The following PDE4D variants were observed in gnomAD, a reference collection of about 807,000 sequenced individuals.
The protein encoded by PDE4D is 3',5'-cyclic-AMP phosphodiesterase 4D.
PDE4D carries 24 observed loss-of-function variants against 87.4 expected under a neutral mutation model. That is an observed-to-expected ratio of 0.27 (90% CI 0.20 to 0.39). PDE4D has a LOEUF of 0.39. Among genes scored for constraint, PDE4D ranks in the 10% least tolerant of loss-of-function variants. PDE4D has a pLI of 1.00. For missense variants in PDE4D, 714 were observed against 1,041.0 expected, an observed-to-expected ratio of 0.69 and a Z score of 4.32; for synonymous variants, 384 against 383.2, an observed-to-expected ratio of 1.00 and a Z score of -0.02.
At position 58,972,010 on chromosome 5, in the gene PDE4D, AG is replaced by A. The variant is rs138669344; in HGVS notation, c.*2653del. ...TACCATTAAAAACCAACAAACTGGA[AG>A]AAAAAAAAAGAGCCTCTCTTTATTA... On this transcript the variant is annotated 3_prime_UTR_variant, in exon 15 of 15. Coordinates refer to ENST00000340635, the MANE Select transcript of PDE4D (RefSeq NM_001104631.2). 23,730 of 151,898 alleles carry A rather than the reference AG, an allele frequency of 0.16. 1,908 individuals carry two copies. Among genetic ancestry groups the A allele is most frequent in the Admixed American group, 0.19 (2,830 of 15,206 alleles). The allele number at this position is 151,898 out of a possible 1,614,324, so 9.4% of individuals were successfully genotyped here. A position where few individuals can be genotyped will look rare whatever the true frequency, so the allele number is the denominator to read the frequency against.
At chr5:59,893,075 G>T in intron 1 of PDE4D, 93 bp downstream of exon 1, 1 of 1,289,146 alleles carries the variant, frequency 7.8e-7, no homozygotes, top group South Asian at 1.4e-5. Flanking sequence ...CCTGGGTCTA[G>T]AATTGGTGGT....
chr5:59,221,458 A>G (rs1447874981), intron 1 of PDE4D, among the ~76,000 whole-genome samples: 2 of 151,952 alleles, frequency 1.3e-5, no homozygotes, highest in African/African-American at 4.8e-5. Context: ...ATGGTGAAAC[A>G]CCATCTTTAC....
intron 5 of PDE4D, among the ~76,000 whole-genome samples, chr5:59,129,197 T>C (rs1481646662): frequency 6.6e-6 from 1 of 152,200 alleles, no homozygotes; most frequent in Non-Finnish European, 1.5e-5. Context: ...GTTTCACAAC[T>C]AGTGTAAAGG....
chr5:59,217,965 C>A (rs1225615312), intron 1 of PDE4D: 1 of 470,590 alleles, frequency 2.1e-6, no homozygotes. Context: ...CATTAAGATA[C>A]AAAAATAAAG....
intron 4 of PDE4D, among the ~76,000 whole-genome samples, chr5:59,181,224 C>G (rs1741462404): frequency 1.3e-5 from 2 of 151,822 alleles, no homozygotes; most frequent in South Asian, 4.2e-4. Flanking sequence ...TAGAAATACT[C>G]TAAGCCAAAG....
chr5:60,409,101 G>T (rs1304011520), intron 1 of PDE4D, among the ~76,000 whole-genome samples: 3 of 152,170 alleles, frequency 2.0e-5, no homozygotes, highest in Non-Finnish European at 4.4e-5. Flanking sequence ...ATAAAATAGT[G>T]ACTTATGCAG....
At chr5:59,237,607 A>G (rs1287363470) in intron 1 of PDE4D, among the ~76,000 whole-genome samples, 2 of 152,186 alleles carry the variant, frequency 1.3e-5, no homozygotes, top group Non-Finnish European at 2.9e-5. Context: ...ATTAATATTA[A>G]GTGAATGAAT....
intron 1 of PDE4D, chr5:60,460,000 T>C: frequency 1.0e-6 from 1 of 966,918 alleles, no homozygotes; most frequent in Non-Finnish European, 1.7e-6. Context: ...TTCTTCATCA[T>C]CCATATCGGG....
intron 1 of PDE4D, among the ~76,000 whole-genome samples, chr5:59,674,735 C>CT (rs1747781425): frequency 6.6e-6 from 1 of 152,152 alleles, no homozygotes; most frequent in African/African-American, 2.4e-5. Flanking sequence ...ATGAGAAACT[C>CT]TTATTTCTTA....
chr5:60,461,595 A>G (rs1471081361), intron 1 of PDE4D, among the ~76,000 whole-genome samples: 3 of 152,248 alleles, frequency 2.0e-5, no homozygotes, highest in African/African-American at 7.2e-5. Context: ...TTTCCATTTG[A>G]CTGATTCTCC....
chr5:60,142,467 C>G (rs1307378309), intron 2 of PDE4D, among the ~76,000 whole-genome samples: 2 of 152,104 alleles, frequency 1.3e-5, no homozygotes, highest in Admixed American at 1.3e-4. Flanking sequence ...GATGTGATTA[C>G]AGTAGAAAAA....
chr5:60,226,568 G>A (rs184904608), intron 1 of PDE4D, among the ~76,000 whole-genome samples: 48 of 152,188 alleles, frequency 3.2e-4, no homozygotes, highest in African/African-American at 1.0e-3. Context: ...GAAAAACAGC[G>A]TTATTTTTTA....
intron 5 of PDE4D, among the ~76,000 whole-genome samples, chr5:59,140,961 T>G (rs909495973): frequency 6.6e-6 from 1 of 152,232 alleles, no homozygotes; most frequent in African/African-American, 2.4e-5. Context: ...ATACAAGTGC[T>G]ACTTTTAAAA....
chr5:59,981,009 TG>T (rs376589939), intron 3 of PDE4D, among the ~76,000 whole-genome samples: 19 of 152,256 alleles, frequency 1.2e-4, no homozygotes, highest in African/African-American at 4.6e-4. Flanking sequence ...CCCAGCACTT[TG>T]GGAGGCTGAG....
chr5:59,396,124 A>C (rs1250318342), intron 1 of PDE4D, among the ~76,000 whole-genome samples: 1 of 119,944 alleles, frequency 8.3e-6, no homozygotes, highest in Non-Finnish European at 1.8e-5. Context: ...CCTGAAAGTG[A>C]TGGGGAGAAT....
rs377188118 is a variant in PDE4D, at chr5:59,989,111, TATATACACAC to T, written c.43-404_43-395del. 8.5e-3 allele frequency among the ~76,000 whole-genome samples: 825 copies of T among 97,458 alleles called. 7 individuals carry two copies. The highest frequency in any genetic ancestry group is 0.016 in the East Asian group (30 of 1,868). The allele number at this position is 97,458 out of a possible 152,430, so 63.9% of individuals were successfully genotyped here. On this transcript the variant is annotated intron_variant, in intron 2 of 16. Transcript: ENST00000502484. ...TCATATATATATATATATATATATA[TATATACACAC>T]ACACACATACAGTTATGCATCACTT... is the stretch of plus-strand genomic sequence containing the variant.
At chr5:59,070,830 T>C (rs10079826) in intron 5 of PDE4D, among the ~76,000 whole-genome samples, 6,937 of 152,278 alleles carry the variant, frequency 0.046, 539 homozygotes, top group African/African-American at 0.16. Context: ...TAAATTCATC[T>C]TCTTGAAGAA....
At chr5:59,625,146 T>C (rs912786098) in intron 1 of PDE4D, among the ~76,000 whole-genome samples, 11 of 152,150 alleles carry the variant, frequency 7.2e-5, no homozygotes, top group African/African-American at 2.2e-4. Context: ...ATAAAACCTA[T>C]AAAAGCAGAG....
chr5:60,038,687 T>A (rs1420949062), intron 2 of PDE4D, among the ~76,000 whole-genome samples: 2 of 151,864 alleles, frequency 1.3e-5, no homozygotes, highest in African/African-American at 4.8e-5. Flanking sequence ...AACCTACTCA[T>A]CTGACAAAGG....
Sources: allele counts gnomAD v4.1 joint callset (sites outside exome capture counted in the v4.1 genomes callset), GRCh38; gene constraint gnomAD v4.1.1; transcripts MANE v1.5; gene names NCBI Gene and HGNC (gene_info 2026-07-23, HGNC 2026-07-21).